The following NEGR1 variants were observed in gnomAD, a reference collection of about 807,000 sequenced individuals.
NEGR1 encodes IgLON family member 4.
A neutral mutation model predicts 40.9 loss-of-function variants in NEGR1; 10 were observed. The observed-to-expected ratio is 0.24, with a 90% confidence interval of 0.15 to 0.42. The LOEUF (loss-of-function observed/expected upper bound fraction) is 0.42, where lower values mean the gene tolerates loss of function less well. NEGR1 is among the 10% of genes least tolerant of loss of function. NEGR1 has a pLI of 1.00. For synonymous variants in NEGR1, 185 were observed against 166.8 expected (o/e 1.11, Z -0.84); for missense variants, 352 against 438.9 (o/e 0.80, Z 1.77).
intron 6 of NEGR1, among the ~76,000 whole-genome samples, chr1:71,568,460 T>TAC (rs1648692371): frequency 6.6e-6 from 1 of 152,180 alleles, no homozygotes; most frequent in Non-Finnish European, 1.5e-5. Context: ...CCTTGGAGGT[T>TAC]ATCCATGTGT....
chr1:72,085,007 C>G (rs974739882), intron 1 of NEGR1, among the ~76,000 whole-genome samples: 1 of 152,054 alleles, frequency 6.6e-6, no homozygotes, highest in African/African-American at 2.4e-5. Flanking sequence ...AAAATGAAAA[C>G]GTGAGACACT....
intron 4 of NEGR1, among the ~76,000 whole-genome samples, chr1:71,634,939 C>T (rs895896177): frequency 6.6e-6 from 1 of 151,954 alleles, no homozygotes; most frequent in Non-Finnish European, 1.5e-5. Flanking sequence ...GTTTTAAAGG[C>T]CTGGGCAGGA....
At chr1:71,497,542 A>G (rs1482852573) in intron 6 of NEGR1, among the ~76,000 whole-genome samples, 1 of 152,094 alleles carries the variant, frequency 6.6e-6, no homozygotes, top group Non-Finnish European at 1.5e-5. Flanking sequence ...TTCCAAGAAA[A>G]CTGATTCCCA....
intron 1 of NEGR1, among the ~76,000 whole-genome samples, chr1:72,221,193 A>G (rs1165901582): frequency 6.6e-6 from 1 of 152,024 alleles, no homozygotes; most frequent in Non-Finnish European, 1.5e-5. Flanking sequence ...TCTTTCCTCT[A>G]TGTATCCTCT....
intron 1 of NEGR1, among the ~76,000 whole-genome samples, chr1:72,086,058 C>A (rs1648209558): frequency 6.6e-6 from 1 of 150,956 alleles, no homozygotes; most frequent in South Asian, 2.1e-4. Context: ...CTTACTAGAG[C>A]AAAATGTCCT....
At chr1:71,766,395 T>A (rs892807023) in intron 3 of NEGR1, among the ~76,000 whole-genome samples, 4 of 152,202 alleles carry the variant, frequency 2.6e-5, no homozygotes, top group African/African-American at 9.6e-5. Flanking sequence ...CCTATGATAA[T>A]TAAGTTAGTA....
At chr1:71,952,973 A>G (rs1261410218) in intron 1 of NEGR1, among the ~76,000 whole-genome samples, 2 of 150,352 alleles carry the variant, frequency 1.3e-5, no homozygotes, top group Admixed American at 6.6e-5. Flanking sequence ...AAAAAAAAAA[A>G]GGTTCTTTTC....
chr1:72,040,698 G>A (rs1365839059), intron 1 of NEGR1, among the ~76,000 whole-genome samples: 1 of 149,058 alleles, frequency 6.7e-6, no homozygotes, highest in Middle Eastern at 3.2e-3. Context: ...AAAGAAGTAA[G>A]ACCTAATGAC....
chr1:71,960,989 T>G (rs564022295), intron 1 of NEGR1, among the ~76,000 whole-genome samples: 6 of 152,308 alleles, frequency 3.9e-5, no homozygotes, highest in Non-Finnish European at 7.4e-5. Context: ...TTTGTATAAT[T>G]TGATAATTTC....
chr1:71,432,519 C>T (rs1047533493), intron 6 of NEGR1, among the ~76,000 whole-genome samples: 5 of 152,018 alleles, frequency 3.3e-5, no homozygotes, highest in East Asian at 1.9e-4. Flanking sequence ...AGGGACTTTT[C>T]GCTTATCTAT....
chr1:71,488,346 A>G lies in NEGR1; in HGVS notation c.941-80776T>C, dbSNP rs551662985. 1.1e-3 allele frequency among the ~76,000 whole-genome samples: 171 copies of G among 151,956 alleles called. 1 individual carries two copies. Among genetic ancestry groups the G allele is most frequent in the African/African-American group, 4.0e-3 (168 of 41,522 alleles). On this transcript the variant is annotated intron_variant, in intron 6 of 6. Transcript: ENST00000357731. ...TGGGAGCTAATTCTGGTTAGCCTAG[A>G]TAGAGCCTGTTATCACAGCCCTTTC...
At chr1:71,906,124 A>C (rs1346328394) in intron 2 of NEGR1, among the ~76,000 whole-genome samples, 3 of 152,048 alleles carry the variant, frequency 2.0e-5, no homozygotes, top group Non-Finnish European at 2.9e-5. Flanking sequence ...AAAACGGAGC[A>C]CTCTAAAACT....
intron 5 of NEGR1, among the ~76,000 whole-genome samples, chr1:71,597,458 CTCTCTCTCTCTCTCTG>C (rs1429680355): frequency 1.1e-4 from 7 of 65,512 alleles, no homozygotes; most frequent in Non-Finnish European, 2.1e-4. Flanking sequence ...CTCTCTCTCT[CTCTCTCTCTCTCTCTG>C]TGTGTGTGTG....
At chr1:71,888,589 G>A (rs1205767194) in intron 2 of NEGR1, among the ~76,000 whole-genome samples, 1 of 146,748 alleles carries the variant, frequency 6.8e-6, no homozygotes, top group Non-Finnish European at 1.5e-5. Flanking sequence ...CTCGCTGATT[G>A]CTAGCACAGC....
At chr1:71,707,993 G>C (rs1653962042) in intron 3 of NEGR1, among the ~76,000 whole-genome samples, 1 of 152,096 alleles carries the variant, frequency 6.6e-6, no homozygotes, top group East Asian at 1.9e-4. Flanking sequence ...CAACACCAAA[G>C]TCCTTTCAAA....
chr1:71,588,165 G>C (rs2783046), intron 6 of NEGR1, among the ~76,000 whole-genome samples: 135,941 of 151,942 alleles, frequency 0.89, 62,164 homozygotes, highest in Non-Finnish European at 1. Context: ...GGCAGGATGG[G>C]ACCACTCAGT....
intron 1 of NEGR1, among the ~76,000 whole-genome samples, chr1:72,107,811 A>G (rs1020193660): frequency 1.6e-4 from 24 of 151,346 alleles, no homozygotes; most frequent in Non-Finnish European, 3.3e-4. Flanking sequence ...ATGCATATAT[A>G]TGTAAATGAA....
intron 2 of NEGR1, among the ~76,000 whole-genome samples, chr1:71,818,381 TGCAACA>T (rs1431792665): frequency 6.6e-6 from 1 of 151,956 alleles, no homozygotes; most frequent in East Asian, 1.9e-4. Context: ...CTCATGTCTT[TGCAACA>T]GCAACAAGGA....
intron 1 of NEGR1, among the ~76,000 whole-genome samples, chr1:72,254,666 C>T (rs1655206329): frequency 6.9e-6 from 1 of 145,478 alleles, no homozygotes; most frequent in African/African-American, 2.6e-5. Context: ...AGCGCCACTG[C>T]ACTCCAGCCT....
Sources: allele counts gnomAD v4.1 joint callset (sites outside exome capture counted in the v4.1 genomes callset), GRCh38; gene constraint gnomAD v4.1.1; transcripts MANE v1.5; gene names NCBI Gene and HGNC (gene_info 2026-07-23, HGNC 2026-07-21).